Variants in PTPRK observed in about 807,000 individuals in gnomAD.
PTPRK encodes receptor-type tyrosine-protein phosphatase kappa.
In PTPRK, 75 loss-of-function variants were observed where a neutral mutation model predicts 178.0. That is an observed-to-expected ratio of 0.42 (90% CI 0.35 to 0.51). The LOEUF (loss-of-function observed/expected upper bound fraction) is 0.51, where lower values mean the gene tolerates loss of function less well. PTPRK is among the 20% of genes least tolerant of loss of function. PTPRK has a pLI of 0.02. For synonymous variants in PTPRK, 637 were observed against 620.6 expected (o/e 1.03, Z -0.39); for missense variants, 1,441 against 1,797.8 (o/e 0.80, Z 3.59).
intron 1 of PTPRK, among the ~76,000 whole-genome samples, chr6:128,492,899 C>T (rs2128430986): frequency 6.6e-6 from 1 of 152,268 alleles, no homozygotes; most frequent in African/African-American, 2.4e-5. Flanking sequence ...CTTGGATAGC[C>T]CCCTTGTGCT....
At chr6:128,467,371 G>C (rs903211981) in intron 1 of PTPRK, among the ~76,000 whole-genome samples, 1 of 152,130 alleles carries the variant, frequency 6.6e-6, no homozygotes, top group African/African-American at 2.4e-5. Flanking sequence ...CATACAAAAA[G>C]AAGAAAGTAA....
chr6:128,081,573 T>C (rs2114996495), intron 10 of PTPRK, among the ~76,000 whole-genome samples: 1 of 152,134 alleles, frequency 6.6e-6, no homozygotes, highest in Admixed American at 6.6e-5. Flanking sequence ...CATGTGGAAC[T>C]ATAATAAAAA....
chr6:128,506,659 C>CA (rs60473661), intron 1 of PTPRK, among the ~76,000 whole-genome samples: 2,444 of 51,816 alleles, frequency 0.047, 108 homozygotes, highest in African/African-American at 0.11. Flanking sequence ...AACTCTGTCT[C>CA]AAAAAAAAAA....
At chr6:128,401,267 G>T (rs139392197) in intron 1 of PTPRK, among the ~76,000 whole-genome samples, 1 of 152,204 alleles carries the variant, frequency 6.6e-6, no homozygotes, top group African/African-American at 2.4e-5. Context: ...AAACTGCTCG[G>T]TGAAAAATGT....
chr6:128,449,952 A>C (rs1388615578), intron 1 of PTPRK, among the ~76,000 whole-genome samples: 2 of 151,828 alleles, frequency 1.3e-5, no homozygotes, highest in African/African-American at 2.4e-5. Context: ...AAAAAAAAAA[A>C]AAAAAAATTG....
At position 127,996,977 on chromosome 6, in the gene PTPRK, T is replaced by C; in HGVS notation, c.2691A>G (p.Glu897=). 1.2e-6 allele frequency: 2 copies of C among 1,611,396 alleles called. No individual in the cohort carries two copies. The highest frequency in any genetic ancestry group is 1.7e-6 in the Non-Finnish European group (2 of 1,178,542). ...CTACATCCCAAGATGCTGACTGTCC[T>C]TCAAAAAAGCTCTGGGAAAACAAAA... ...GFKEEYESFF[E]GQSASWDVAK... Residue 897 remains glutamate, a synonymous_variant, in exon 17 of 30, where the codon GAA becomes GAG. Transcript: ENST00000368226.
At chr6:128,290,438 A>G (rs1426851061) in intron 3 of PTPRK, among the ~76,000 whole-genome samples, 2 of 152,088 alleles carry the variant, frequency 1.3e-5, no homozygotes, top group African/African-American at 2.4e-5. Flanking sequence ...CACTGATGAC[A>G]TACACTGATG....
At chr6:128,059,960 T>C (rs192784618) in intron 13 of PTPRK, among the ~76,000 whole-genome samples, 1 of 152,156 alleles carries the variant, frequency 6.6e-6, no homozygotes. Context: ...ACAGTGATCA[T>C]GCACCCTTGA....
At chr6:128,365,238 T>A (rs1835322405) in intron 2 of PTPRK, among the ~76,000 whole-genome samples, 1 of 152,010 alleles carries the variant, frequency 6.6e-6, no homozygotes, top group Non-Finnish European at 1.5e-5. Context: ...CAGGCTTTTG[T>A]TAGGGGTACT....
chr6:127,998,948 T>G (rs747329585), intron 15 of PTPRK, 44 bp from the exon 16 acceptor site: 113 of 1,446,810 alleles, frequency 7.8e-5, no homozygotes, highest in Non-Finnish European at 1.0e-4. Context: ...GAGACAAAGT[T>G]ATCTTGTTTA....
intron 2 of PTPRK, among the ~76,000 whole-genome samples, chr6:128,353,793 C>A (rs1286536830): frequency 6.6e-6 from 1 of 152,144 alleles, no homozygotes; most frequent in Non-Finnish European, 1.5e-5. Flanking sequence ...TGTTATATAT[C>A]TTGATTATCG....
intron 13 of PTPRK, among the ~76,000 whole-genome samples, chr6:128,032,181 C>G (rs1453821375): frequency 6.6e-6 from 1 of 152,182 alleles, no homozygotes; most frequent in African/African-American, 2.4e-5. Flanking sequence ...CGGGCTGCTG[C>G]CTCTCACCTT....
At chr6:128,269,129 T>C (rs1819394502) in intron 3 of PTPRK, among the ~76,000 whole-genome samples, 1 of 152,054 alleles carries the variant, frequency 6.6e-6, no homozygotes, top group Non-Finnish European at 1.5e-5. Context: ...ACCTAAGTAC[T>C]TAAATTATGA....
intron 7 of PTPRK, among the ~76,000 whole-genome samples, chr6:128,149,273 G>A (rs1796929458): frequency 6.6e-6 from 1 of 151,622 alleles, no homozygotes. Context: ...TGCACATTGT[G>A]CACATGTACC....
At chr6:128,378,917 G>A (rs1837482816) in intron 2 of PTPRK, among the ~76,000 whole-genome samples, 1 of 152,082 alleles carries the variant, frequency 6.6e-6, no homozygotes, top group South Asian at 2.1e-4. Context: ...ACAGAGGAAA[G>A]TAATGAGTTA....
intron 5 of PTPRK, among the ~76,000 whole-genome samples, chr6:128,237,028 C>T (rs1562844974): frequency 6.6e-6 from 1 of 152,040 alleles, no homozygotes; most frequent in African/African-American, 2.4e-5. Flanking sequence ...TAATTATAAC[C>T]TAGAAAGAAT....
At chr6:128,256,796 A>G (rs1223686150) in intron 3 of PTPRK, among the ~76,000 whole-genome samples, 9 of 152,160 alleles carry the variant, frequency 5.9e-5, no homozygotes, top group Non-Finnish European at 1.3e-4. Flanking sequence ...GATGATTCCA[A>G]GCAGTTTTAA....
rs537042404 is a variant in PTPRK at position 128,197,571 on chromosome 6, C to A, written c.869-12846G>T. ...TGTTAAACAGAGATATAAATGTACT[C>A]ATTGTATATTTTCTTCTTTATAAAA... On this transcript the variant is annotated intron_variant, in intron 6 of 29. Coordinates refer to ENST00000368226, the MANE Select transcript of PTPRK (RefSeq NM_002844.4). Among the ~76,000 whole-genome samples, 19 of 152,000 alleles carry A rather than the reference C, an allele frequency of 1.3e-4. No individual in the cohort carries two copies. In the South Asian group the frequency reaches 3.9e-3, roughly 32 times the overall value.
intron 2 of PTPRK, among the ~76,000 whole-genome samples, chr6:128,369,893 GCAGA>G (rs1836028278): frequency 6.6e-6 from 1 of 151,910 alleles, no homozygotes; most frequent in Non-Finnish European, 1.5e-5. Flanking sequence ...TTCTTCTAAA[GCAGA>G]CAGTCTTGTA....
Sources: gnomAD v4.1 joint callset for allele counts (sites outside exome capture counted in the v4.1 genomes callset) on GRCh38, gnomAD v4.1.1 for gene constraint, MANE v1.5 for transcripts, NCBI Gene and HGNC (gene_info 2026-07-23, HGNC 2026-07-21) for gene names.